The following FHIT variants were observed in gnomAD, a reference collection of about 807,000 sequenced individuals.
The protein encoded by FHIT is bis(5'-adenosyl)-triphosphatase.
FHIT carries 19 observed loss-of-function variants against 17.9 expected under a neutral mutation model. That is an observed-to-expected ratio of 1.06 (90% confidence interval 0.74 to 1.56). The LOEUF (loss-of-function observed/expected upper bound fraction) is 1.56, where lower values mean the gene tolerates loss of function less well. FHIT is among the 40% of genes most tolerant of loss of function. FHIT has a pLI of 0.00. For synonymous variants in FHIT, 81 were observed against 69.7 expected (o/e 1.16, Z -0.81); for missense variants, 248 against 189.2 (o/e 1.31, Z -1.82).
At chr3:59,916,678 G>T (rs892715234) in intron 8 of FHIT, among the ~76,000 whole-genome samples, 2 of 152,124 alleles carry the variant, frequency 1.3e-5, no homozygotes, top group Admixed American at 6.5e-5. Flanking sequence ...TAAACCAGAT[G>T]CTTACCCAGC....
At chr3:60,397,889 G>A (rs183433803) in intron 5 of FHIT, among the ~76,000 whole-genome samples, 36 of 152,106 alleles carry the variant, frequency 2.4e-4, no homozygotes, top group East Asian at 1.5e-3. Flanking sequence ...TTTGAGTAGC[G>A]TCTTTGCTTT....
At chr3:60,422,572 A>C (rs1051590046) in intron 5 of FHIT, among the ~76,000 whole-genome samples, 1 of 152,142 alleles carries the variant, frequency 6.6e-6, no homozygotes, top group African/African-American at 2.4e-5. Context: ...TGATTTACAT[A>C]AACTCAAGGG....
At chr3:61,132,934 G>C (rs1004955096) in intron 2 of FHIT, among the ~76,000 whole-genome samples, 1 of 152,214 alleles carries the variant, frequency 6.6e-6, no homozygotes, top group Non-Finnish European at 1.5e-5. Flanking sequence ...ATGGGGTGTA[G>C]GGAGTAGAAG....
intron 4 of FHIT, among the ~76,000 whole-genome samples, chr3:60,712,252 GC>G (rs1559660799): frequency 6.6e-6 from 1 of 152,142 alleles, no homozygotes; most frequent in Admixed American, 6.5e-5. Context: ...CCACCAGGCT[GC>G]CCTAAAAGAG....
intron 4 of FHIT, among the ~76,000 whole-genome samples, chr3:60,596,518 T>C (rs1170945683): frequency 1.3e-5 from 2 of 152,148 alleles, no homozygotes; most frequent in African/African-American, 4.8e-5. Context: ...TGCTATCTCC[T>C]TCTGGATCTC....
At chr3:59,929,841 G>A (rs536268415) in intron 7 of FHIT, among the ~76,000 whole-genome samples, 2 of 147,906 alleles carry the variant, frequency 1.4e-5, no homozygotes, top group East Asian at 3.9e-4. Flanking sequence ...CATGTAGAGT[G>A]ATACAAATAT....
At chr3:59,765,012 G>T (rs1361404852) in intron 8 of FHIT, among the ~76,000 whole-genome samples, 1 of 152,090 alleles carries the variant, frequency 6.6e-6, no homozygotes, top group African/African-American at 2.4e-5. Context: ...ACCTTTCTCA[G>T]CTGCCTACTA....
At chr3:60,016,590 C>T (rs779067672) in intron 5 of FHIT, among the ~76,000 whole-genome samples, 1 of 152,254 alleles carries the variant, frequency 6.6e-6, no homozygotes, top group Non-Finnish European at 1.5e-5. Flanking sequence ...CTAATGTCCG[C>T]AACTGTCATG....
At chr3:60,526,072 T>C (rs561318200) in intron 5 of FHIT, among the ~76,000 whole-genome samples, 4 of 151,880 alleles carry the variant, frequency 2.6e-5, no homozygotes, top group Non-Finnish European at 4.4e-5. Context: ...CACTGCACTA[T>C]AGCTTGGATG....
rs372342833 is a variant in FHIT, at chr3:60,087,588, AT to A, written c.104-73437del. 4.0e-3 allele frequency among the ~76,000 whole-genome samples: 616 copies of A among 152,184 alleles called. 3 individuals are homozygous for A. Among genetic ancestry groups the A allele is most frequent in the African/African-American group, 0.014 (571 of 41,524 alleles). ...CTAACTGAGGTCTTTGCAGCCTAGC[AT>A]TTTCATCCACCAGATACCCCACCCT... On this transcript the variant is annotated intron_variant, in intron 5 of 9. Transcript: ENST00000492590.
At chr3:60,353,583 T>A (rs557879534) in intron 5 of FHIT, among the ~76,000 whole-genome samples, 13 of 152,168 alleles carry the variant, frequency 8.5e-5, no homozygotes, top group African/African-American at 3.1e-4. Flanking sequence ...CTGCTTGGCA[T>A]AGTAGCCTTA....
At chr3:60,551,592 A>T (rs1469948684) in intron 4 of FHIT, among the ~76,000 whole-genome samples, 6 of 69,046 alleles carry the variant, frequency 8.7e-5, no homozygotes, top group African/African-American at 3.6e-4. Flanking sequence ...GGGAGGAGAG[A>T]GGAGAGGAGA....
intron 7 of FHIT, among the ~76,000 whole-genome samples, chr3:59,934,863 C>T (rs559913382): frequency 6.6e-6 from 1 of 152,100 alleles, no homozygotes; most frequent in Non-Finnish European, 1.5e-5. Flanking sequence ...CCACCTGGTC[C>T]CACCCATGAC....
intron 1 of FHIT, among the ~76,000 whole-genome samples, chr3:61,203,868 A>C (rs2039116393): frequency 6.6e-6 from 1 of 152,252 alleles, no homozygotes; most frequent in Non-Finnish European, 1.5e-5. Flanking sequence ...AGGCCCTTAC[A>C]CATGTACTCA....
At chr3:60,387,389 G>A (rs887410062) in intron 5 of FHIT, among the ~76,000 whole-genome samples, 1 of 152,108 alleles carries the variant, frequency 6.6e-6, no homozygotes, top group Non-Finnish European at 1.5e-5. Context: ...CCTAAGGAAT[G>A]GACACTTAAA....
At chr3:60,209,170 T>A (rs999330143) in intron 5 of FHIT, among the ~76,000 whole-genome samples, 1 of 152,170 alleles carries the variant, frequency 6.6e-6, no homozygotes, top group Non-Finnish European at 1.5e-5. Flanking sequence ...GATTAACATA[T>A]TTTTAATATG....
intron 8 of FHIT, among the ~76,000 whole-genome samples, chr3:59,835,270 G>C (rs977549207): frequency 2.0e-5 from 3 of 152,142 alleles, no homozygotes; most frequent in Non-Finnish European, 4.4e-5. Context: ...CAAAACCTGA[G>C]AACTTGTTTA....
chr3:60,891,781 C>T (rs1222580535), intron 3 of FHIT, among the ~76,000 whole-genome samples: 1 of 152,112 alleles, frequency 6.6e-6, no homozygotes, highest in African/African-American at 2.4e-5. Context: ...TTATTACACT[C>T]CCTTTCTGAG....
chr3:60,136,485 TA>T (rs536204098), intron 5 of FHIT, among the ~76,000 whole-genome samples: 2 of 152,172 alleles, frequency 1.3e-5, no homozygotes, highest in Non-Finnish European at 2.9e-5. Flanking sequence ...TGGTCTCACA[TA>T]CCACATAATG....
Sources: allele counts gnomAD v4.1 joint callset (sites outside exome capture counted in the v4.1 genomes callset), GRCh38; gene constraint gnomAD v4.1.1; transcripts MANE v1.5; gene names NCBI Gene and HGNC (gene_info 2026-07-23, HGNC 2026-07-21).